The following DDHD1 variants were observed in gnomAD, a reference collection of about 807,000 sequenced individuals.
The protein encoded by DDHD1 is DDHD domain containing 1.
DDHD1 carries 49 observed loss-of-function variants against 96.4 expected under a neutral mutation model. The observed-to-expected ratio is 0.51, with a 90% CI of 0.40 to 0.64. The LOEUF is 0.64. Ranked by LOEUF, DDHD1 falls within the 30% of genes least tolerant of loss-of-function variation. The probability of loss-of-function intolerance (pLI) is 0.00; values close to 1 mark genes in which losing one functional copy is unlikely to be tolerated. For synonymous variants in DDHD1, 442 were observed against 446.5 expected, an observed-to-expected ratio of 0.99 and a Z score of 0.13; for missense variants, 1,106 against 1,161.2, an observed-to-expected ratio of 0.95 and a Z score of 0.69.
chr14:53,142,190 AG>A (rs1388835951), intron 1 of DDHD1, among the ~76,000 whole-genome samples: 1 of 152,254 alleles, frequency 6.6e-6, no homozygotes, highest in Non-Finnish European at 1.5e-5. Flanking sequence ...ATTCAAACTA[AG>A]GGAATTTGAC....
chr14:53,052,841 T>C (rs1882721036), intron 11 of DDHD1: 1 of 151,992 alleles, frequency 6.6e-6, no homozygotes, highest in African/African-American at 2.4e-5. Flanking sequence ...AATTTATGTG[T>C]AAGAATGACA....
intron 1 of DDHD1, among the ~76,000 whole-genome samples, chr14:53,114,422 C>A (rs1888388905): frequency 6.6e-6 from 1 of 152,222 alleles, no homozygotes; most frequent in Admixed American, 6.5e-5. Flanking sequence ...GGGTCCCTAA[C>A]CCCCATACCT....
chr14:53,130,297 C>G lies in DDHD1; in HGVS notation c.838+21964G>C, dbSNP rs1389219172. 2.0e-5 allele frequency among the ~76,000 whole-genome samples: 3 copies of G among 152,164 alleles called. No individual in the cohort carries two copies. In the South Asian group the frequency reaches 6.2e-4, roughly 32 times the overall value. ...TAAAGGCATAATCAAGGTTAATATT[C>G]CTTTTTCTCTATCAGACCTTCAGAC... On this transcript the variant is annotated intron_variant, in intron 1 of 12. Transcript: ENST00000673822.
At chr14:53,103,639 T>C in intron 2 of DDHD1, 44 bp downstream of exon 2, 1 of 1,451,970 alleles carries the variant, frequency 6.9e-7, no homozygotes. Context: ...TATCAACAAC[T>C]TACTTGGTTT....
chr14:53,084,805 C>CTT, intron 4 of DDHD1, among the ~76,000 whole-genome samples: 1 of 152,250 alleles, frequency 6.6e-6, no homozygotes, highest in African/African-American at 2.4e-5. Context: ...GGAGGGCAAG[C>CTT]CGAAGCAGGG....
chr14:53,144,855 A>G (rs1890867931), intron 1 of DDHD1, among the ~76,000 whole-genome samples: 1 of 152,224 alleles, frequency 6.6e-6, no homozygotes, highest in South Asian at 2.1e-4. Flanking sequence ...ATCATCCAAA[A>G]TTACTGAGCA....
intron 4 of DDHD1, among the ~76,000 whole-genome samples, chr14:53,075,892 T>C (rs892426556): frequency 2.0e-5 from 3 of 152,122 alleles, no homozygotes; most frequent in African/African-American, 7.2e-5. Flanking sequence ...TTTTACAGCA[T>C]GGCTTACAGA....
intron 1 of DDHD1, among the ~76,000 whole-genome samples, chr14:53,107,846 A>G (rs1213560883): frequency 1.3e-5 from 2 of 152,142 alleles, no homozygotes; most frequent in Non-Finnish European, 2.9e-5. Context: ...GGGGCTTGCA[A>G]CTTAGCTCAC....
chr14:53,138,184 C>T (rs993564041), intron 1 of DDHD1, among the ~76,000 whole-genome samples: 5 of 152,188 alleles, frequency 3.3e-5, no homozygotes, highest in African/African-American at 1.2e-4. Context: ...GTGGGCAGAT[C>T]ACTTGAGGTC....
At chr14:53,085,313 T>G (rs997612432) in intron 4 of DDHD1, among the ~76,000 whole-genome samples, 1 of 152,178 alleles carries the variant, frequency 6.6e-6, no homozygotes, top group Non-Finnish European at 1.5e-5. Context: ...ATGGACAGAT[T>G]GCCTCCTCAA....
At chr14:53,116,390 G>A (rs144730243) in intron 1 of DDHD1, among the ~76,000 whole-genome samples, 14 of 152,114 alleles carry the variant, frequency 9.2e-5, no homozygotes, top group South Asian at 2.1e-4. Flanking sequence ...AGACATCTAC[G>A]GAACTCTCCA....
intron 1 of DDHD1, among the ~76,000 whole-genome samples, chr14:53,108,980 C>T (rs1887904158): frequency 6.6e-6 from 1 of 152,086 alleles, no homozygotes; most frequent in Non-Finnish European, 1.5e-5. Context: ...CTTTGTGTAG[C>T]ATTTGATTCA....
At chr14:53,060,725 C>G (rs1436911693) in intron 8 of DDHD1, among the ~76,000 whole-genome samples, 1 of 152,146 alleles carries the variant, frequency 6.6e-6, no homozygotes. Flanking sequence ...GAAGTTACAG[C>G]CCTCTATGCC....
At chr14:53,078,475 C>T (rs1885159256) in intron 4 of DDHD1, among the ~76,000 whole-genome samples, 1 of 152,030 alleles carries the variant, frequency 6.6e-6, no homozygotes, top group South Asian at 2.1e-4. Flanking sequence ...CTGGGGTCTT[C>T]CTTTTTTAAA....
chr14:53,146,737 T>C (rs4901350), intron 1 of DDHD1, among the ~76,000 whole-genome samples: 111,579 of 152,084 alleles, frequency 0.73, 43,644 homozygotes, highest in East Asian at 0.96. Context: ...ATCTACTCAA[T>C]TGTCAGTGAT....
At chr14:53,052,565 A>G (rs1882693703) in intron 11 of DDHD1, 1 of 152,052 alleles carries the variant, frequency 6.6e-6, no homozygotes, top group African/African-American at 2.4e-5. Flanking sequence ...TAGCCAAGAC[A>G]GCACTTAACG....
In DDHD1 at chr14:53,123,061, C is replaced by T. The variant is rs928146690; in HGVS notation, c.839-19205G>A. On this transcript the variant is annotated intron_variant, in intron 1 of 12. Coordinates refer to ENST00000673822, the MANE Select transcript of DDHD1 (RefSeq NM_001160148.2). ...AACAGTCTATTCCTAAGTATATAAT[C>T]TAGAGAAATTCTGGCACATTTGTAC... 2.0e-5 allele frequency among the ~76,000 whole-genome samples: 3 copies of T among 151,266 alleles called. No homozygotes were observed. In the South Asian group the frequency reaches 6.2e-4, roughly 32 times the overall value.
chr14:53,132,907 C>T (rs771762830), intron 1 of DDHD1, among the ~76,000 whole-genome samples: 14 of 152,166 alleles, frequency 9.2e-5, no homozygotes, highest in East Asian at 1.9e-4. Context: ...TCCTTCTCAC[C>T]GGTCACTCCC....
chr14:53,128,310 A>G (rs1191420284), intron 1 of DDHD1, among the ~76,000 whole-genome samples: 1 of 152,234 alleles, frequency 6.6e-6, no homozygotes, highest in African/African-American at 2.4e-5. Context: ...ATAAAATACC[A>G]TAAAGTTGGT....
Sources: gnomAD v4.1 joint callset for allele counts (sites outside exome capture counted in the v4.1 genomes callset) on GRCh38, gnomAD v4.1.1 for gene constraint, MANE v1.5 for transcripts, NCBI Gene and HGNC (gene_info 2026-07-23, HGNC 2026-07-21) for gene names.